Variants in C21orf91 observed in about 807,000 individuals in gnomAD.
The protein encoded by C21orf91 is chromosome 21 open reading frame 91, also known as protein EURL homolog.
In C21orf91, 26 loss-of-function variants were observed where a neutral mutation model predicts 32.9. That is an observed-to-expected ratio of 0.79 (90% CI 0.58 to 1.10). The LOEUF (loss-of-function observed/expected upper bound fraction) is 1.10. Ranked by LOEUF, C21orf91 falls within the 50% of genes least tolerant of loss-of-function variation. The probability of loss-of-function intolerance (pLI) is 0.00; values close to 1 mark genes in which losing one functional copy is unlikely to be tolerated. For synonymous variants in C21orf91, 126 were observed against 120.4 expected (o/e 1.05, Z -0.31); for missense variants, 310 against 341.3 (o/e 0.91, Z 0.72).
chr21:17,810,216 T>C (rs2062623420), intron 2 of C21orf91, among the ~76,000 whole-genome samples: 1 of 152,234 alleles, frequency 6.6e-6, no homozygotes, highest in Non-Finnish European at 1.5e-5. Context: ...TTAATGCTCA[T>C]TTCCCATAAT....
chr21:17,803,814 A>G (rs919346194), intron 2 of C21orf91, among the ~76,000 whole-genome samples: 4 of 152,216 alleles, frequency 2.6e-5, no homozygotes, highest in African/African-American at 9.6e-5. Flanking sequence ...AAAAGGAATA[A>G]AGGAAAAGCC....
rs777151466 is a variant in C21orf91, at chr21:17,797,008, T to C, written c.238A>G (p.Lys80Glu). The C allele has an allele frequency of 6.8e-6, 11 of 1,613,506 alleles. No homozygotes were observed. Among genetic ancestry groups the C allele is most frequent in the Admixed American group, 3.3e-5 (2 of 59,998 alleles). The change falls in exon 3 of 5, where the codon AAA becomes GAA. Residue 80 changes from lysine to glutamate, a missense_variant. Transcript: ENST00000284881. ...GTTTTAACTTCTTCATAAGTACTTTTTGAAAGCTTAGATCGAGGACAACCC... is the reference window on the plus strand; with the variant it reads ...GTTTTAACTTCTTCATAAGTACTTTCTGAAAGCTTAGATCGAGGACAACCC... ...NQGCPRSKLS[K>E]STYEEVKTIL...
intron 2 of C21orf91, among the ~76,000 whole-genome samples, chr21:17,808,290 T>C (rs1489131459): frequency 6.6e-6 from 1 of 152,214 alleles, no homozygotes; most frequent in Non-Finnish European, 1.5e-5. Context: ...CACGTGGTGT[T>C]AACCCTGCAG....
At chr21:17,800,581 G>T (rs116282535) in intron 2 of C21orf91, among the ~76,000 whole-genome samples, 1,723 of 152,270 alleles carry the variant, frequency 0.011, 19 homozygotes, top group African/African-American at 0.027. Context: ...AGCGTAAACA[G>T]CTCTGAGCAC....
chr21:17,806,277 A>T (rs2062593245), intron 2 of C21orf91, among the ~76,000 whole-genome samples: 1 of 152,192 alleles, frequency 6.6e-6, no homozygotes, highest in Non-Finnish European at 1.5e-5. Flanking sequence ...GGTGAGAGCA[A>T]AAGAGGGTGG....
chr21:17,795,862 C>G (rs2062513649), intron 3 of C21orf91, among the ~76,000 whole-genome samples: 1 of 152,172 alleles, frequency 6.6e-6, no homozygotes, highest in Non-Finnish European at 1.5e-5. Flanking sequence ...CCAATGAATT[C>G]TGGTATCTCC....
At chr21:17,797,224 A>C (rs1369206443) in intron 2 of C21orf91, 106 bp from the exon 3 acceptor site, 1 of 648,616 alleles carries the variant, frequency 1.5e-6, no homozygotes, top group Middle Eastern at 4.3e-4. Flanking sequence ...ATAGTCTGTG[A>C]ATTAGAGGAA....
intron 2 of C21orf91, among the ~76,000 whole-genome samples, chr21:17,804,866 T>A (rs1440142472): frequency 6.6e-6 from 1 of 152,260 alleles, no homozygotes; most frequent in African/African-American, 2.4e-5. Flanking sequence ...GATGTATACA[T>A]TGCAAATGAC....
intron 2 of C21orf91, among the ~76,000 whole-genome samples, chr21:17,801,692 T>C (rs1388120325): frequency 6.7e-6 from 1 of 148,168 alleles, no homozygotes; most frequent in East Asian, 2.0e-4. Context: ...CTGGGGCCTG[T>C]TGGGGGTGGG....
intron 2 of C21orf91, among the ~76,000 whole-genome samples, chr21:17,811,165 C>T (rs1469068447): frequency 6.6e-6 from 1 of 152,118 alleles, no homozygotes; most frequent in Non-Finnish European, 1.5e-5. Flanking sequence ...GAATCAGAGA[C>T]CCTTGGTCTC....
intron 2 of C21orf91, among the ~76,000 whole-genome samples, chr21:17,798,370 G>A (rs1389681529): frequency 6.6e-6 from 1 of 152,080 alleles, no homozygotes; most frequent in African/African-American, 2.4e-5. Context: ...GCCAATGGTG[G>A]GACTTGATGA....
chr21:17,814,631 G>C (rs934025448), intron 2 of C21orf91, among the ~76,000 whole-genome samples: 1 of 152,152 alleles, frequency 6.6e-6, no homozygotes, highest in Non-Finnish European at 1.5e-5. Context: ...CAACTGACTA[G>C]AGTAGGAGGA....
At chr21:17,805,065 A>C (rs2062585838) in intron 2 of C21orf91, among the ~76,000 whole-genome samples, 2 of 152,240 alleles carry the variant, frequency 1.3e-5, no homozygotes, top group African/African-American at 4.8e-5. Context: ...TTCTGTGATG[A>C]TGGACAAGTT....
At chr21:17,803,534 G>GT (rs1471522774) in intron 2 of C21orf91, among the ~76,000 whole-genome samples, 1 of 152,012 alleles carries the variant, frequency 6.6e-6, no homozygotes, top group Non-Finnish European at 1.5e-5. Context: ...AGAAAAAAAA[G>GT]TTTTTTATGG....
At chr21:17,803,852 A>G (rs1249976434) in intron 2 of C21orf91, among the ~76,000 whole-genome samples, 1 of 151,894 alleles carries the variant, frequency 6.6e-6, no homozygotes, top group Non-Finnish European at 1.5e-5. Flanking sequence ...ACTCCCACGG[A>G]CTGAAAGCTG....
chr21:17,807,757 C>A (rs573839131), intron 2 of C21orf91, among the ~76,000 whole-genome samples: 2 of 152,090 alleles, frequency 1.3e-5, no homozygotes, highest in Non-Finnish European at 2.9e-5. Flanking sequence ...CATTATACCC[C>A]GGTCAAGGGA....
chr21:17,808,649 T>C (rs955074481), intron 2 of C21orf91, among the ~76,000 whole-genome samples: 1 of 152,228 alleles, frequency 6.6e-6, no homozygotes, highest in African/African-American at 2.4e-5. Flanking sequence ...ACTTGTTTTT[T>C]AGAGGCTTAT....
intron 2 of C21orf91, among the ~76,000 whole-genome samples, chr21:17,811,813 T>G (rs1047642428): frequency 6.6e-6 from 1 of 152,186 alleles, no homozygotes; most frequent in African/African-American, 2.4e-5. Context: ...AATTATGATA[T>G]TCTTATTAAC....
intron 2 of C21orf91, among the ~76,000 whole-genome samples, chr21:17,799,494 A>G (rs1034447839): frequency 6.6e-6 from 1 of 152,058 alleles, no homozygotes; most frequent in Non-Finnish European, 1.5e-5. Context: ...ACTCCCCGCA[A>G]TCCCAGAGGT....
Sources: gnomAD v4.1 joint callset for allele counts (sites outside exome capture counted in the v4.1 genomes callset) on GRCh38, gnomAD v4.1.1 for gene constraint, MANE v1.5 for transcripts, NCBI Gene and HGNC (gene_info 2026-07-23, HGNC 2026-07-21) for gene names.